SCEL: variants seen among roughly 807,000 people sequenced by gnomAD.
SCEL encodes sciellin.
In SCEL, 113 loss-of-function variants were observed where a neutral mutation model predicts 117.6. The ratio of observed to expected loss-of-function variants is 0.96; its 90% CI spans 0.83 to 1.12. The LOEUF (loss-of-function observed/expected upper bound fraction) is 1.12. Among genes scored for constraint, SCEL ranks in the 50% most tolerant of loss-of-function variants. The probability of loss-of-function intolerance (pLI) is 0.00; values close to 1 mark genes in which losing one functional copy is unlikely to be tolerated. For missense variants in SCEL, 785 were observed against 810.8 expected, an observed-to-expected ratio of 0.97 and a Z score of 0.39; for synonymous variants, 270 against 256.2, an observed-to-expected ratio of 1.05 and a Z score of -0.51.
At chr13:77,566,776 T>C (rs1290026048) in intron 5 of SCEL, among the ~76,000 whole-genome samples, 1 of 152,136 alleles carries the variant, frequency 6.6e-6, no homozygotes, top group Admixed American at 6.6e-5. Flanking sequence ...TATGCTGCCA[T>C]GCATACCAAA....
intron 1 of SCEL, among the ~76,000 whole-genome samples, chr13:77,545,803 A>G (rs1261609279): frequency 1.3e-5 from 2 of 152,254 alleles, no homozygotes; most frequent in African/African-American, 4.8e-5. Flanking sequence ...AAAGGGAAAG[A>G]AAGACTCAAG....
chr13:77,542,227 C>T (rs988559976), intron 1 of SCEL, among the ~76,000 whole-genome samples: 6 of 152,096 alleles, frequency 3.9e-5, no homozygotes, highest in African/African-American at 1.4e-4. Flanking sequence ...ATGGTGAAAC[C>T]CCGTCTCTAC....
At chr13:77,584,069 A>G (rs1160271871) in intron 9 of SCEL, among the ~76,000 whole-genome samples, 1 of 152,168 alleles carries the variant, frequency 6.6e-6, no homozygotes, top group Non-Finnish European at 1.5e-5. Context: ...GGGTCTGGGG[A>G]TGGGTGAAGG....
intron 19 of SCEL, among the ~76,000 whole-genome samples, chr13:77,607,361 G>A (rs866089294): frequency 3.3e-5 from 5 of 152,132 alleles, no homozygotes; most frequent in South Asian, 4.1e-4. Flanking sequence ...AGAGTGTTGC[G>A]CTTTATATTA....
chr13:77,557,517 AT>A (rs1442328013), intron 3 of SCEL, among the ~76,000 whole-genome samples: 5 of 152,226 alleles, frequency 3.3e-5, no homozygotes, highest in African/African-American at 1.2e-4. Flanking sequence ...ATATCTCCTC[AT>A]TTTACAAAAG....
At chr13:77,559,950 G>A (rs1361516128) in intron 4 of SCEL, 87 bp downstream of exon 4, 2 of 1,138,194 alleles carry the variant, frequency 1.8e-6, no homozygotes, top group Non-Finnish European at 1.3e-6. Flanking sequence ...CTGAATATTT[G>A]CAGCATGCCT....
At chr13:77,630,809 A>C (rs2089988988) in intron 28 of SCEL, among the ~76,000 whole-genome samples, 1 of 152,228 alleles carries the variant, frequency 6.6e-6, no homozygotes, top group African/African-American at 2.4e-5. Context: ...AACTGTGACC[A>C]TTGATTGGAA....
intron 27 of SCEL, among the ~76,000 whole-genome samples, chr13:77,620,248 G>A (rs943055632): frequency 2.0e-5 from 3 of 152,090 alleles, no homozygotes; most frequent in Non-Finnish European, 4.4e-5. Flanking sequence ...TGAAAAAAGT[G>A]ACTTCATTCA....
Position 77,642,814 on chromosome 13 carries a change from T to TGTTACA in SCEL, c.2050+7_2050+12dup. On this transcript the variant is annotated splice_region_variant and intron_variant, in intron 32 of 32. Transcript: ENST00000349847. ...TTGCTACTCTAAAATTATGGGTAAG[T>TGTTACA]GTTACACTCTAAGCATTTAACACTT... The TGTTACA allele has an allele frequency of 6.7e-7, 1 of 1,493,798 alleles. No homozygotes were observed. The allele number at this position is 1,493,798 out of a possible 1,614,324, so 92.5% of individuals were successfully genotyped here.
intron 1 of SCEL, among the ~76,000 whole-genome samples, chr13:77,553,137 G>A (rs1294768976): frequency 1.3e-5 from 2 of 152,114 alleles, no homozygotes. Context: ...TTCAACATAC[G>A]AATTTTGGAG....
intron 1 of SCEL, among the ~76,000 whole-genome samples, chr13:77,546,959 A>G (rs1255069824): frequency 6.6e-6 from 1 of 152,214 alleles, no homozygotes; most frequent in Non-Finnish European, 1.5e-5. Flanking sequence ...AAAAGGACAT[A>G]TTCTTCCCAG....
intron 8 of SCEL, among the ~76,000 whole-genome samples, chr13:77,571,729 ATAGAG>A (rs994212496): frequency 6.6e-6 from 1 of 150,774 alleles, no homozygotes; most frequent in African/African-American, 2.4e-5. Flanking sequence ...ATATATATAT[ATAGAG>A]TAGAGTATAA....
At chr13:77,599,421 A>G (rs1174561200) in intron 14 of SCEL, 33 bp downstream of exon 14, 2 of 1,561,166 alleles carry the variant, frequency 1.3e-6, no homozygotes, top group South Asian at 2.3e-5. Flanking sequence ...TGAAAATCTT[A>G]CCTTGCAGAT....
chr13:77,634,207 C>A (rs2090164850), intron 28 of SCEL, among the ~76,000 whole-genome samples, 172 bp from the exon 29 acceptor site: 2 of 152,090 alleles, frequency 1.3e-5, no homozygotes, highest in Admixed American at 1.3e-4. Context: ...AAATGGAAGA[C>A]AAAAAAATTT....
intron 1 of SCEL, among the ~76,000 whole-genome samples, chr13:77,543,227 G>A (rs1040584520): frequency 2.0e-5 from 3 of 151,546 alleles, no homozygotes; most frequent in East Asian, 1.9e-4. Context: ...GGGACTACAG[G>A]CGCCCACCAC....
chr13:77,636,778 G>A (rs1342245862), intron 29 of SCEL, among the ~76,000 whole-genome samples: 1 of 152,098 alleles, frequency 6.6e-6, no homozygotes. Flanking sequence ...TTTGTGCTTT[G>A]TGTATTTTCT....
At chr13:77,551,761 G>A (rs1448885523) in intron 1 of SCEL, among the ~76,000 whole-genome samples, 1 of 151,804 alleles carries the variant, frequency 6.6e-6, no homozygotes, top group Non-Finnish European at 1.5e-5. Context: ...AGTTACATAT[G>A]TATACATGTG....
intron 15 of SCEL, among the ~76,000 whole-genome samples, chr13:77,600,512 G>A (rs1371354393): frequency 2.0e-5 from 3 of 151,974 alleles, no homozygotes; most frequent in South Asian, 2.1e-4. Flanking sequence ...CTCTTCATAC[G>A]TATTTGTAAA....
intron 4 of SCEL, among the ~76,000 whole-genome samples, chr13:77,563,223 A>G (rs902912012): frequency 4.1e-5 from 6 of 146,346 alleles, no homozygotes; most frequent in African/African-American, 1.3e-4. Context: ...TTTTCCTTCT[A>G]TCCTTCCTTT....
Sources: allele counts gnomAD v4.1 joint callset (sites outside exome capture counted in the v4.1 genomes callset), GRCh38; gene constraint gnomAD v4.1.1; transcripts MANE v1.5; gene names NCBI Gene and HGNC (gene_info 2026-07-23, HGNC 2026-07-21).